The following JAM3 variants were observed in gnomAD, a reference collection of about 807,000 sequenced individuals.
The protein encoded by JAM3 is junctional adhesion molecule 3.
In JAM3, 31 loss-of-function variants were observed where a neutral mutation model predicts 39.4. The observed-to-expected ratio is 0.79, with a 90% CI of 0.59 to 1.06. The LOEUF is 1.06. JAM3 is among the 50% of genes least tolerant of loss of function. The pLI, the probability that JAM3 is intolerant of heterozygous loss-of-function variation, is 0.00. For missense variants in JAM3, 455 were observed against 391.4 expected (o/e 1.16, Z -1.37); for synonymous variants, 182 against 148.7 (o/e 1.22, Z -1.63).
intron 1 of JAM3, among the ~76,000 whole-genome samples, chr11:134,139,164 G>GC (rs1565503239): frequency 6.6e-6 from 1 of 152,172 alleles, no homozygotes; most frequent in African/African-American, 2.4e-5. Flanking sequence ...TCTGATGTTT[G>GC]CCCAAACCCA....
At chr11:134,108,226 G>T (rs749479329) in intron 1 of JAM3, among the ~76,000 whole-genome samples, 4 of 151,764 alleles carry the variant, frequency 2.6e-5, no homozygotes, top group Non-Finnish European at 4.4e-5. Flanking sequence ...AACTACCAAA[G>T]CTCACTCAAG....
chr11:134,139,862 G>A lies in JAM3; in HGVS notation c.88G>A (p.Gly30Arg), dbSNP rs1265117810. 2 of 1,613,884 alleles carry A rather than the reference G, an allele frequency of 1.2e-6. No homozygotes were observed. The highest frequency in any genetic ancestry group is 1.7e-6 in the Non-Finnish European group (2 of 1,179,744). Reference sequence around the variant, plus strand: ...TCTTTCTCCTTCAGGCTGCCTGATAGGGGCTGTAAATCTCAAATCCAGCAA... The same window carrying A: ...TCTTTCTCCTTCAGGCTGCCTGATAAGGGCTGTAAATCTCAAATCCAGCAA... ...LLLLFRGCLI[G>R]AVNLKSSNRT... The change falls in exon 2 of 9, where the codon GGG becomes AGG. Residue 30 changes from glycine to arginine, a missense_variant. By Grantham distance (125) the Gly-to-Arg change is moderately radical (BLOSUM62 -2). Transcript: ENST00000299106.
Position 134,149,183 on chromosome 11 carries a change from A to AC in JAM3, c.*5dup. ...CACAAGTCATCGTTTGTGATCTGAG[A>AC]CCCGCGGTGTGGCTGAGAGCGCACA... On this transcript the variant is annotated 3_prime_UTR_variant, in exon 9 of 9. Transcript: ENST00000299106. 6.2e-7 allele frequency: 1 copy of AC among 1,613,960 alleles called. No homozygotes were observed.
At chr11:134,109,362 C>T (rs556510525) in intron 1 of JAM3, among the ~76,000 whole-genome samples, 3 of 152,350 alleles carry the variant, frequency 2.0e-5, no homozygotes, top group South Asian at 4.1e-4. Context: ...GTAAAGCTGT[C>T]TTCATATCTT....
At chr11:134,069,194 G>A (rs1156745280) in intron 1 of JAM3, 35 bp downstream of exon 1, 4 of 1,607,322 alleles carry the variant, frequency 2.5e-6, no homozygotes, top group South Asian at 1.1e-5. Context: ...GGGAGACTAG[G>A]GTCTGGGGGC....
At chr11:134,123,566 C>A (rs1942579060) in intron 1 of JAM3, among the ~76,000 whole-genome samples, 1 of 152,222 alleles carries the variant, frequency 6.6e-6, no homozygotes, top group South Asian at 2.1e-4. Context: ...GGCAGAAATT[C>A]AAACTCCAAA....
intron 1 of JAM3, among the ~76,000 whole-genome samples, chr11:134,098,041 C>T (rs1942013627): frequency 6.6e-6 from 1 of 152,090 alleles, no homozygotes; most frequent in Admixed American, 6.5e-5. Context: ...GAAACATCTC[C>T]TTTTCTGCTT....
At chr11:134,074,248 T>G (rs959022474) in intron 1 of JAM3, among the ~76,000 whole-genome samples, 1 of 152,240 alleles carries the variant, frequency 6.6e-6, no homozygotes, top group Admixed American at 6.5e-5. Context: ...TTTCTTTGTT[T>G]TTGTTTTCCT....
intron 1 of JAM3, among the ~76,000 whole-genome samples, chr11:134,092,785 C>T (rs1486049951): frequency 4.4e-5 from 6 of 135,022 alleles, no homozygotes; most frequent in Non-Finnish European, 9.5e-5. Flanking sequence ...ACATCTTATT[C>T]ATCATGTTCC....
chr11:134,115,346 T>C (rs1324821246), intron 1 of JAM3, among the ~76,000 whole-genome samples: 1 of 152,238 alleles, frequency 6.6e-6, no homozygotes, highest in Non-Finnish European at 1.5e-5. Context: ...ATGTTTAGAC[T>C]ATTTACATTG....
chr11:134,134,946 G>A (rs1942836272), intron 1 of JAM3, among the ~76,000 whole-genome samples: 1 of 151,850 alleles, frequency 6.6e-6, no homozygotes, highest in African/African-American at 2.4e-5. Context: ...CTCCCATTCT[G>A]TATGTTGTCT....
intron 1 of JAM3, among the ~76,000 whole-genome samples, chr11:134,080,595 G>T (rs1244230214): frequency 1.3e-5 from 2 of 152,180 alleles, no homozygotes; most frequent in Non-Finnish European, 2.9e-5. Flanking sequence ...TATGAGACAT[G>T]CCTTTTACCT....
At chr11:134,149,045 G>A in intron 8 of JAM3, 101 bp from the exon 9 acceptor site, 1 of 1,399,414 alleles carries the variant, frequency 7.1e-7, no homozygotes, top group East Asian at 2.3e-5. Context: ...TTTTAAGAAT[G>A]ATTATTCCAT....
intron 3 of JAM3, 43 bp from the exon 4 acceptor site, chr11:134,144,197 AT>A: frequency 1.2e-6 from 2 of 1,612,732 alleles, no homozygotes; most frequent in Non-Finnish European, 1.7e-6. Context: ...AGTGGCAAAG[AT>A]TTCTTTAAAG....
intron 1 of JAM3, among the ~76,000 whole-genome samples, chr11:134,104,924 G>C (rs1942153517): frequency 6.6e-6 from 1 of 152,026 alleles, no homozygotes; most frequent in Non-Finnish European, 1.5e-5. Flanking sequence ...TTCTACCAGA[G>C]GTACAAGCAG....
chr11:134,114,543 A>C (rs993293686), intron 1 of JAM3, among the ~76,000 whole-genome samples: 1 of 152,106 alleles, frequency 6.6e-6, no homozygotes, highest in African/African-American at 2.4e-5. Flanking sequence ...ATTGGTCTCT[A>C]TCTCTCTTTT....
intron 1 of JAM3, among the ~76,000 whole-genome samples, chr11:134,105,503 G>A (rs1942167026): frequency 6.6e-6 from 1 of 152,130 alleles, no homozygotes; most frequent in Non-Finnish European, 1.5e-5. Context: ...TCTGGCCAGG[G>A]CAATCAGGCA....
intron 1 of JAM3, among the ~76,000 whole-genome samples, chr11:134,106,397 G>C (rs1316340770): frequency 3.3e-5 from 5 of 152,008 alleles, no homozygotes; most frequent in African/African-American, 1.2e-4. Context: ...AAAAACCCTA[G>C]AAGAAAACCT....
In JAM3 at chr11:134,150,411, C is replaced by A. The variant is rs546681576; in HGVS notation, c.*1230C>A. 6.6e-6 allele frequency: 1 copy of A among 152,312 alleles called. No homozygotes were observed. Among genetic ancestry groups the A allele is most frequent in the South Asian group, 2.1e-4 (1 of 4,828 alleles). 9.4% of individuals were successfully genotyped at this position (152,312 alleles called of 1,614,324 possible). ...TGGGGTTGCGCCAGGCGCCCCCGCT[C>A]TAGCTCACTGTTGCCTCGCTGTCTG... On this transcript the variant is annotated 3_prime_UTR_variant, in exon 9 of 9. Coordinates refer to ENST00000299106, the MANE Select transcript of JAM3 (RefSeq NM_032801.5).
Sources: allele counts gnomAD v4.1 joint callset (sites outside exome capture counted in the v4.1 genomes callset), GRCh38; gene constraint gnomAD v4.1.1; transcripts MANE v1.5; gene names NCBI Gene and HGNC (gene_info 2026-07-23, HGNC 2026-07-21).